Variants in ZNF678 observed in about 807,000 individuals in gnomAD.
ZNF678 encodes the protein zinc finger protein 678.
In ZNF678, 5 loss-of-function variants were observed where a neutral mutation model predicts 3.0. That is an observed-to-expected ratio of 1.69 (90% CI 0.88 to 3.56). The LOEUF (loss-of-function observed/expected upper bound fraction) is 3.56, where lower values mean the gene tolerates loss of function less well. Ranked by LOEUF, ZNF678 falls within the 30% of genes most tolerant of loss-of-function variation. The pLI is 0.00. For missense variants in ZNF678, 593 were observed against 605.0 expected, an observed-to-expected ratio of 0.98 and a Z score of 0.21; for synonymous variants, 218 against 199.6, an observed-to-expected ratio of 1.09 and a Z score of -0.78.
intron 5 of ZNF678, among the ~76,000 whole-genome samples, chr1:227,670,146 T>C (rs897062477): frequency 1.3e-5 from 2 of 152,130 alleles, no homozygotes; most frequent in Non-Finnish European, 2.9e-5. Flanking sequence ...GATAAACAAA[T>C]AGGCACTGTG....
intron 1 of ZNF678, among the ~76,000 whole-genome samples, chr1:227,617,430 C>G (rs1658168225): frequency 6.6e-6 from 1 of 152,200 alleles, no homozygotes; most frequent in African/African-American, 2.4e-5. Context: ...TGGGGAGTAC[C>G]TTATGAACAG....
chr1:227,590,521 C>T (rs921364505), intron 1 of ZNF678, among the ~76,000 whole-genome samples: 5 of 151,732 alleles, frequency 3.3e-5, no homozygotes, highest in South Asian at 4.2e-4. Context: ...TGTGCCCAAG[C>T]GGCAGGCCCA....
At chr1:227,627,055 A>G (rs1306910523) in intron 1 of ZNF678, among the ~76,000 whole-genome samples, 3 of 148,932 alleles carry the variant, frequency 2.0e-5, no homozygotes, top group African/African-American at 7.5e-5. Context: ...CTCCTGGGTA[A>G]TGGCCTGTTC....
intron 1 of ZNF678, among the ~76,000 whole-genome samples, chr1:227,597,587 G>T (rs1484535030): frequency 6.6e-6 from 1 of 152,148 alleles, no homozygotes; most frequent in Non-Finnish European, 1.5e-5. Flanking sequence ...ACATTCTAAT[G>T]CTAAAAAATA....
At chr1:227,596,281 G>A (rs918960621) in intron 1 of ZNF678, among the ~76,000 whole-genome samples, 4 of 152,290 alleles carry the variant, frequency 2.6e-5, no homozygotes, top group African/African-American at 4.8e-5. Flanking sequence ...ATAGCAGGAC[G>A]AACCTAAGAC....
intron 1 of ZNF678, among the ~76,000 whole-genome samples, chr1:227,565,885 T>C (rs1421541669): frequency 6.6e-6 from 1 of 152,156 alleles, no homozygotes; most frequent in Non-Finnish European, 1.5e-5. Context: ...GCCTCCCGAG[T>C]AGCTGGGACT....
chr1:227,606,692 A>G (rs1335190809), intron 1 of ZNF678, among the ~76,000 whole-genome samples: 2 of 152,220 alleles, frequency 1.3e-5, no homozygotes, highest in African/African-American at 2.4e-5. Flanking sequence ...ACCTTGGACA[A>G]TACCCAGCCT....
chr1:227,609,597 C>T (rs1009330967), intron 1 of ZNF678, among the ~76,000 whole-genome samples: 2 of 152,046 alleles, frequency 1.3e-5, no homozygotes, highest in Non-Finnish European at 2.9e-5. Context: ...AAATTTGTGA[C>T]GATTCAATAA....
At chr1:227,617,656 C>T (rs918146193) in intron 1 of ZNF678, among the ~76,000 whole-genome samples, 3 of 152,060 alleles carry the variant, frequency 2.0e-5, no homozygotes, top group African/African-American at 4.8e-5. Context: ...CATACTATGG[C>T]GTATCAGTTC....
chr1:227,580,997 A>G (rs1432428511), intron 1 of ZNF678, among the ~76,000 whole-genome samples: 1 of 152,078 alleles, frequency 6.6e-6, no homozygotes, highest in South Asian at 2.1e-4. Flanking sequence ...TAGAGTATGG[A>G]CTTCTATATA....
Position 227,655,378 on chromosome 1 carries a change from C to T in ZNF678, c.1128C>T (p.Pro376=), listed in dbSNP as rs1373110256. Residue 376 remains proline, a synonymous_variant, in exon 4 of 4, where the codon CCC becomes CCT. Coordinates refer to ENST00000343776, the MANE Select transcript of ZNF678 (RefSeq NM_001367909.1). ...QHKRIHTGEK[P]YKCKECGKAF... is the part of the protein sequence containing the mutation. ...AAAGAATTCATACTGGAGAGAAACCCTACAAATGCAAAGAATGTGGCAAAG... is the reference window on the plus strand; with the variant it reads ...AAAGAATTCATACTGGAGAGAAACCTTACAAATGCAAAGAATGTGGCAAAG... The T allele has an allele frequency of 1.2e-6, 2 of 1,612,294 alleles. No individual in the cohort carries two copies. The highest frequency in any genetic ancestry group is 3.3e-5 in the Admixed American group (2 of 59,806).
chr1:227,622,382 A>G (rs1234988206), intron 1 of ZNF678, among the ~76,000 whole-genome samples: 2 of 152,152 alleles, frequency 1.3e-5, no homozygotes, highest in African/African-American at 4.8e-5. Flanking sequence ...ACATGTATTG[A>G]TTTATGTTTA....
At chr1:227,584,913 A>C (rs1370911591) in intron 1 of ZNF678, among the ~76,000 whole-genome samples, 1 of 152,204 alleles carries the variant, frequency 6.6e-6, no homozygotes, top group Non-Finnish European at 1.5e-5. Context: ...TGCTAAACTG[A>C]CTTTTCAAGG....
At chr1:227,604,673 A>T (rs1018593182) in intron 1 of ZNF678, among the ~76,000 whole-genome samples, 2 of 151,982 alleles carry the variant, frequency 1.3e-5, no homozygotes, top group Non-Finnish European at 2.9e-5. Flanking sequence ...ACACGCATGA[A>T]TCACTGCACC....
intron 1 of ZNF678, among the ~76,000 whole-genome samples, chr1:227,621,913 T>C (rs1313910339): frequency 1.3e-5 from 2 of 152,210 alleles, no homozygotes; most frequent in African/African-American, 2.4e-5. Context: ...ACAGACTCTG[T>C]AGCAATAGCA....
chr1:227,624,190 A>C (rs766732566), intron 1 of ZNF678, among the ~76,000 whole-genome samples: 1 of 152,224 alleles, frequency 6.6e-6, no homozygotes, highest in Non-Finnish European at 1.5e-5. Context: ...ACTTTAATTC[A>C]ATACATTGAA....
At position 227,563,726 on chromosome 1, in the gene ZNF678, T is replaced by C; in HGVS notation, c.-164+2T>C. 1.5e-6 allele frequency: 2 copies of C among 1,325,632 alleles called. No individual in the cohort carries two copies. The highest frequency in any genetic ancestry group is 2.2e-4 in the Middle Eastern group (1 of 4,634). 82.1% of individuals were successfully genotyped at this position (1,325,632 alleles called of 1,614,324 possible). A position where few individuals can be genotyped will look rare whatever the true frequency, so the allele number is the denominator to read the frequency against. ...GGACACCCCGAAAGCCGGAAAACGG[T>C]GAGAGTTCCCGGGAGGGTGTTCCAA... On this transcript the variant is annotated splice_donor_variant, in intron 1 of 3. Transcript: ENST00000343776. LOFTEE classifies it low-confidence loss of function (5UTR_SPLICE).
At chr1:227,606,620 G>A (rs933901607) in intron 1 of ZNF678, among the ~76,000 whole-genome samples, 18 of 152,076 alleles carry the variant, frequency 1.2e-4, no homozygotes, top group Non-Finnish European at 4.4e-5. Context: ...GTTGGGCTGG[G>A]GAACAGTAAG....
At chr1:227,635,312 G>T (rs1481454551) in intron 1 of ZNF678, among the ~76,000 whole-genome samples, 2 of 152,072 alleles carry the variant, frequency 1.3e-5, no homozygotes, top group East Asian at 1.9e-4. Flanking sequence ...AATAGCAAAA[G>T]GTAGAGCATC....
Sources: allele counts gnomAD v4.1 joint callset (sites outside exome capture counted in the v4.1 genomes callset), GRCh38; gene constraint gnomAD v4.1.1; transcripts MANE v1.5; gene names NCBI Gene and HGNC (gene_info 2026-07-23, HGNC 2026-07-21).